HACD4: variants seen among roughly 807,000 people sequenced by gnomAD.
HACD4 encodes 3-hydroxyacyl-CoA dehydratase 4.
HACD4 carries 35 observed loss-of-function variants against 33.3 expected under a neutral mutation model. The ratio of observed to expected loss-of-function variants is 1.05; its 90% CI spans 0.80 to 1.39. The LOEUF (loss-of-function observed/expected upper bound fraction) is 1.39. Among genes scored for constraint, HACD4 ranks in the 40% most tolerant of loss-of-function variants. The pLI is 0.00. For synonymous variants in HACD4, 118 were observed against 98.0 expected, an observed-to-expected ratio of 1.20 and a Z score of -1.21; for missense variants, 323 against 276.5, an observed-to-expected ratio of 1.17 and a Z score of -1.19.
chr9:21,011,531 C>T (rs375201798), intron 5 of HACD4, 58 bp downstream of exon 5: 7 of 1,016,296 alleles, frequency 6.9e-6, no homozygotes, highest in Non-Finnish European at 1.5e-6. Flanking sequence ...ATTTAGTGAA[C>T]CATTATAACT....
At position 21,006,958 on chromosome 9, in the gene HACD4, C is replaced by T. The variant is rs955000539; in HGVS notation, c.*79G>A. Reference sequence around the variant, plus strand: ...TTATCAAATACAAGGTATTTTTCCACCAGAATACTTCCTGTGTTTTATTTA... The same window carrying T: ...TTATCAAATACAAGGTATTTTTCCATCAGAATACTTCCTGTGTTTTATTTA... On this transcript the variant is annotated 3_prime_UTR_variant, in exon 7 of 7. Coordinates refer to ENST00000495827, the MANE Select transcript of HACD4 (RefSeq NM_001010915.5). This position sits in a 1 kb window ranked among gnomAD's most constrained non-coding sequence, Gnocchi z 4.6. The T allele has an allele frequency of 7.0e-6, 6 of 852,346 alleles. No individual in the cohort carries two copies. The highest frequency in any genetic ancestry group is 4.0e-5 in the South Asian group (3 of 74,246). 52.8% of individuals were successfully genotyped at this position (852,346 alleles called of 1,614,324 possible).
chr9:21,014,319 C>T (rs1842507011), intron 4 of HACD4, among the ~76,000 whole-genome samples: 1 of 152,190 alleles, frequency 6.6e-6, no homozygotes, highest in Admixed American at 6.5e-5. Flanking sequence ...ACCCAAATGT[C>T]CATCAACTGA....
chr9:21,030,302 C>A (rs567536720), intron 1 of HACD4, among the ~76,000 whole-genome samples: 2 of 146,464 alleles, frequency 1.4e-5, no homozygotes, highest in Non-Finnish European at 3.0e-5. Flanking sequence ...GATGTGGTAA[C>A]GTATGCCTGT....
chr9:21,021,575 T>C (rs7018871), intron 3 of HACD4, among the ~76,000 whole-genome samples: 57,204 of 151,922 alleles, frequency 0.38, 10,958 homozygotes, highest in Non-Finnish European at 0.42. Flanking sequence ...AGCATTCCTA[T>C]ATACCAATAA....
intron 1 of HACD4, among the ~76,000 whole-genome samples, chr9:21,030,420 C>T (rs1171005787): frequency 3.3e-5 from 5 of 151,752 alleles, no homozygotes; most frequent in African/African-American, 1.2e-4. Context: ...CCAGCCTGGG[C>T]GACAGATCAA....
At chr9:21,009,324 A>G (rs574050731) in intron 5 of HACD4, among the ~76,000 whole-genome samples, 1 of 152,184 alleles carries the variant, frequency 6.6e-6, no homozygotes, top group Non-Finnish European at 1.5e-5. Flanking sequence ...TTCTGCATAT[A>G]CCTTATTTTG....
At chr9:21,017,675 T>C (rs1817798115) in intron 3 of HACD4, 1 of 152,184 alleles carries the variant, frequency 6.6e-6, no homozygotes, top group Non-Finnish European at 1.5e-5. Flanking sequence ...AATACAGATT[T>C]CTAATTACAT....
At position 21,002,619 on chromosome 9, in the gene HACD4, A is replaced by T. The variant is rs974656151; in HGVS notation, c.*4418T>A. Reference sequence around the variant, plus strand: ...GGTATAAGTTTTGCAAGGTAAAAAAAGTTCTGGAGATGGACAGTGGTGATG... The same window carrying T: ...GGTATAAGTTTTGCAAGGTAAAAAATGTTCTGGAGATGGACAGTGGTGATG... On this transcript the variant is annotated 3_prime_UTR_variant, in exon 7 of 7. Transcript: ENST00000495827. The T allele has an allele frequency of 1.3e-5, 2 of 152,156 alleles. No individual in the cohort carries two copies. Among genetic ancestry groups the T allele is most frequent in the Non-Finnish European group, 2.9e-5 (2 of 67,990 alleles). The allele number at this position is 152,156 out of a possible 1,614,324, so 9.4% of individuals were successfully genotyped here.
At chr9:21,031,011 G>A (rs1352216484) in intron 1 of HACD4, among the ~76,000 whole-genome samples, 24 of 152,146 alleles carry the variant, frequency 1.6e-4, no homozygotes. Flanking sequence ...TTTATTTGGG[G>A]ACATCCTCCC....
intron 3 of HACD4, among the ~76,000 whole-genome samples, chr9:21,026,112 T>C (rs1259417756): frequency 6.6e-6 from 1 of 152,242 alleles, no homozygotes; most frequent in East Asian, 1.9e-4. Context: ...TACTCTATTC[T>C]CTGGATGTAG....
Position 21,000,556 on chromosome 9 carries a change from G to A in HACD4, c.*6481C>T, listed in dbSNP as rs977547641. ...ATCTGCATTCTAAACAGGTGAACTT[G>A]TTAATTGTGGCTGTTGCTCCCTGAA... is the stretch of plus-strand genomic sequence containing the variant. On this transcript the variant is annotated 3_prime_UTR_variant, in exon 7 of 7. Coordinates refer to ENST00000495827, the MANE Select transcript of HACD4 (RefSeq NM_001010915.5). 6.6e-6 allele frequency: 1 copy of A among 152,142 alleles called. No individual in the cohort carries two copies. The allele number at this position is 152,142 out of a possible 1,614,324, so 9.4% of individuals were successfully genotyped here.
Position 21,016,620 on chromosome 9 carries a change from G to A in HACD4, c.271-610C>T, listed in dbSNP as rs531682489. Among the ~76,000 whole-genome samples, 4 of 151,860 alleles carry A rather than the reference G, an allele frequency of 2.6e-5. No homozygotes were observed. In the East Asian group the frequency reaches 5.9e-4, roughly 22 times the overall value. On this transcript the variant is annotated intron_variant, in intron 3 of 6. Transcript: ENST00000495827. ...AAGAGGCAGAGGTATGAAAATGTAG[G>A]GTGCCCAGGGGAGTAATGTGAACCA...
In HACD4 at chr9:21,006,943, CA is replaced by C; in HGVS notation, c.*93del. ...TCATGTAATGGATTTTTATCAAATA[CA>C]AGGTATTTTTCCACCAGAATACTTC... On this transcript the variant is annotated 3_prime_UTR_variant, in exon 7 of 7. Transcript: ENST00000495827. This position sits in a 1 kb window ranked among gnomAD's most constrained non-coding sequence, Gnocchi z 4.6. 1.3e-6 allele frequency: 1 copy of C among 789,394 alleles called. No homozygotes were observed. The highest frequency in any genetic ancestry group is 1.4e-5 in the South Asian group (1 of 71,958). The allele number at this position is 789,394 out of a possible 1,614,324, so 48.9% of individuals were successfully genotyped here. A position where few individuals can be genotyped will look rare whatever the true frequency, so the allele number is the denominator to read the frequency against.
chr9:21,022,035 T>G (rs1418939218), intron 3 of HACD4, among the ~76,000 whole-genome samples: 1 of 152,028 alleles, frequency 6.6e-6, no homozygotes, highest in Non-Finnish European at 1.5e-5. Flanking sequence ...AACAGAGATA[T>G]AGACCAATGG....
chr9:21,019,107 T>G (rs554993420), intron 3 of HACD4, among the ~76,000 whole-genome samples: 1 of 152,122 alleles, frequency 6.6e-6, no homozygotes, highest in Non-Finnish European at 1.5e-5. Context: ...ACAAATGCAT[T>G]TAAATAATTG....
intron 1 of HACD4, among the ~76,000 whole-genome samples, chr9:21,029,672 C>A (rs1029894412): frequency 3.3e-5 from 5 of 152,204 alleles, no homozygotes; most frequent in African/African-American, 1.2e-4. Flanking sequence ...CTGAAAATAT[C>A]ATAAGTTGAA....
At chr9:21,013,066 CAAA>C (rs570206944) in intron 4 of HACD4, among the ~76,000 whole-genome samples, 5 of 69,014 alleles carry the variant, frequency 7.2e-5, no homozygotes, top group Admixed American at 1.6e-4. Flanking sequence ...GACTCCATCT[CAAA>C]AAAAAAAAAA....
At position 21,010,147 on chromosome 9, in the gene HACD4, GT is replaced by G. The variant is rs1224984893; in HGVS notation, c.490+1441del. ...TTTATGTTAAACACCATGTCCTTAT[GT>G]TTTTCCCTTAGTTACCTTAACATGC... On this transcript the variant is annotated intron_variant, in intron 5 of 6. Transcript: ENST00000495827. Among the ~76,000 whole-genome samples, 10 of 152,110 alleles carry G rather than the reference GT, an allele frequency of 6.6e-5. 1 individual carries two copies. The highest frequency in any genetic ancestry group is 2.4e-4 in the African/African-American group (10 of 41,424).
chr9:21,031,047 G>A (rs1201131095), intron 1 of HACD4, among the ~76,000 whole-genome samples: 1 of 152,152 alleles, frequency 6.6e-6, no homozygotes, highest in Non-Finnish European at 1.5e-5. Context: ...CTGCTAAAGG[G>A]TTTGGGAAGA....
Sources: allele counts gnomAD v4.1 joint callset (sites outside exome capture counted in the v4.1 genomes callset), GRCh38; gene constraint gnomAD v4.1.1; non-coding constraint Gnocchi (gnomAD v3.1); transcripts MANE v1.5; gene names NCBI Gene and HGNC (gene_info 2026-07-23, HGNC 2026-07-21).